ALX1: variants seen among roughly 807,000 people sequenced by gnomAD.
ALX1 encodes ALX homeobox 1, also known as ALX homeobox protein 1.
Under a neutral mutation model 31.7 loss-of-function variants are expected in ALX1, and 19 were observed. That is an observed-to-expected ratio of 0.60 (90% confidence interval 0.42 to 0.88). The LOEUF is 0.88. Ranked by LOEUF, ALX1 falls within the 40% of genes least tolerant of loss-of-function variation. The pLI is 0.00. For missense variants in ALX1, 415 were observed against 407.8 expected (o/e 1.02, Z -0.15); for synonymous variants, 153 against 148.8 (o/e 1.03, Z -0.20).
intron 3 of ALX1, among the ~76,000 whole-genome samples, chr12:85,287,787 A>G (rs975436218): frequency 6.6e-6 from 1 of 151,432 alleles, no homozygotes; most frequent in Non-Finnish European, 1.5e-5. Context: ...TACATGATGA[A>G]AAAAAACCTA....
chr12:85,283,451 C>A, intron 1 of ALX1, 121 bp from the exon 2 acceptor site: 1 of 975,910 alleles, frequency 1.0e-6, no homozygotes, highest in Non-Finnish European at 1.6e-6. Flanking sequence ...TGAATTAATA[C>A]TAGCACAATA....
intron 2 of ALX1, among the ~76,000 whole-genome samples, chr12:85,286,059 T>A (rs923045523): frequency 1.3e-5 from 2 of 151,976 alleles, no homozygotes; most frequent in Admixed American, 1.3e-4. Context: ...GACACTTGGT[T>A]CTATCTGCCC....
intron 3 of ALX1, among the ~76,000 whole-genome samples, chr12:85,300,420 C>T (rs1896947986): frequency 6.6e-6 from 1 of 151,958 alleles, no homozygotes; most frequent in Admixed American, 6.6e-5. Context: ...TAAATAGTTG[C>T]ACATCTTTCT....
intron 3 of ALX1, among the ~76,000 whole-genome samples, chr12:85,288,478 T>A (rs1896777538): frequency 6.6e-6 from 1 of 151,470 alleles, no homozygotes; most frequent in Non-Finnish European, 1.5e-5. Context: ...CTTAGTTGAG[T>A]CAGTGTGAGT....
At chr12:85,298,128 A>G (rs1896913216) in intron 3 of ALX1, among the ~76,000 whole-genome samples, 1 of 151,666 alleles carries the variant, frequency 6.6e-6, no homozygotes. Flanking sequence ...AGGGATAATG[A>G]GTAAATAAAT....
At chr12:85,294,239 G>T (rs1300979533) in intron 3 of ALX1, among the ~76,000 whole-genome samples, 3 of 150,746 alleles carry the variant, frequency 2.0e-5, no homozygotes, top group Non-Finnish European at 4.5e-5. Context: ...TTCTTATATT[G>T]TGAATTTTGT....
intron 3 of ALX1, among the ~76,000 whole-genome samples, chr12:85,293,267 A>G (rs186051843): frequency 1.0e-3 from 154 of 149,116 alleles, no homozygotes; most frequent in Non-Finnish European, 1.5e-3. Context: ...GTATGTGTGT[A>G]TATATATATA....
intron 3 of ALX1, among the ~76,000 whole-genome samples, chr12:85,292,263 A>G (rs1047936657): frequency 7.3e-5 from 11 of 151,106 alleles, no homozygotes; most frequent in Non-Finnish European, 1.5e-5. Context: ...TCCTTTTTAA[A>G]TTGAAAACCA....
At chr12:85,296,764 T>C (rs1033478179) in intron 3 of ALX1, among the ~76,000 whole-genome samples, 1 of 151,396 alleles carries the variant, frequency 6.6e-6, no homozygotes. Context: ...ACAAGAAGGG[T>C]ATGGGAATTA....
chr12:85,293,283 T>G (rs1331445042), intron 3 of ALX1, among the ~76,000 whole-genome samples: 1 of 150,178 alleles, frequency 6.7e-6, no homozygotes, highest in Non-Finnish European at 1.5e-5. Flanking sequence ...ATATATAAGT[T>G]ATGTGTAGCA....
At chr12:85,299,163 T>C (rs1896927623) in intron 3 of ALX1, among the ~76,000 whole-genome samples, 1 of 151,516 alleles carries the variant, frequency 6.6e-6, no homozygotes, top group South Asian at 2.1e-4. Flanking sequence ...GCAAGCAAAG[T>C]TCACTTTCAT....
intron 1 of ALX1, among the ~76,000 whole-genome samples, chr12:85,283,092 G>A (rs1896699679): frequency 6.6e-6 from 1 of 152,162 alleles, no homozygotes; most frequent in South Asian, 2.1e-4. Context: ...TACGTTTTAC[G>A]TGGAGGAGGA....
Position 85,283,751 on chromosome 12 carries a change from C to T in ALX1, c.406C>T (p.Arg136Ter), listed in dbSNP as rs1228243856. The change falls in exon 2 of 4, where the codon CGA becomes TGA. Residue 136 changes from arginine to a stop codon, truncating the protein, a stop_gained. Coordinates refer to ENST00000316824, the MANE Select transcript of ALX1 (RefSeq NM_006982.3). LOFTEE classifies it high-confidence loss of function. ...NVSSSKKRRH[R>*]TTFTSLQLEE... ...ATCCAGCAGTAAGAAACGGAGGCAC[C>T]GAACCACCTTCACCAGTTTGCAGCT... 1.9e-6 allele frequency: 3 copies of T among 1,613,914 alleles called. No individual in the cohort carries two copies. The highest frequency in any genetic ancestry group is 3.3e-5 in the Admixed American group (2 of 59,982).
Position 85,301,472 on chromosome 12 carries a change from G to T in ALX1, c.978G>T (p.Met326Ile). 6.2e-7 allele frequency: 1 copy of T among 1,613,486 alleles called. No homozygotes were observed. Among genetic ancestry groups the T allele is most frequent in the South Asian group, 1.1e-5 (1 of 91,078 alleles). Residue 326 changes from methionine (M) to isoleucine (I), a missense_variant, in exon 4 of 4, where the codon ATG becomes ATT. Met to Ile is a conservative substitution (Grantham distance 10). Coordinates refer to ENST00000316824, the MANE Select transcript of ALX1 (RefSeq NM_006982.3). ...KEHTANISWAM is the reference protein window; with the variant it reads ...KEHTANISWAI ...ACACCGCCAATATTTCATGGGCCATGTAACATACAGTACTCTTTTATTTTT... is the reference window on the plus strand; with the variant it reads ...ACACCGCCAATATTTCATGGGCCATTTAACATACAGTACTCTTTTATTTTT...
chr12:85,292,279 G>T (rs1055223362), intron 3 of ALX1, among the ~76,000 whole-genome samples: 2 of 150,766 alleles, frequency 1.3e-5, no homozygotes, highest in Non-Finnish European at 3.0e-5. Flanking sequence ...AACCAAATAC[G>T]GTAACTTTAG....
At chr12:85,295,690 C>T (rs952862483) in intron 3 of ALX1, among the ~76,000 whole-genome samples, 17 of 151,114 alleles carry the variant, frequency 1.1e-4, no homozygotes, top group Non-Finnish European at 1.9e-4. Flanking sequence ...GCATGTGATG[C>T]GAGAATTGTG....
At chr12:85,291,328 G>T (rs779075133) in intron 3 of ALX1, among the ~76,000 whole-genome samples, 4 of 150,848 alleles carry the variant, frequency 2.7e-5, no homozygotes, top group Non-Finnish European at 5.9e-5. Context: ...CTAAAAACTG[G>T]GTAATATTTG....
In ALX1 at chr12:85,280,361, A is replaced by T. The variant is rs368906149; in HGVS notation, c.100A>T (p.Thr34Ser). ...AGGTCCTCTGGAGCACGTTATGGAG[A>T]CGCTGGACAATGAGTCCTTTTACAG... ...AGGPLEHVME[T>S]LDNESFYSKA... Residue 34 changes from threonine (T) to serine (S), a missense_variant, in exon 1 of 4, where the codon ACG (threonine) becomes TCG (serine). By Grantham distance (58) the Thr-to-Ser change is moderately conservative. Coordinates refer to ENST00000316824, the MANE Select transcript of ALX1 (RefSeq NM_006982.3). 2 of 1,613,768 alleles carry T rather than the reference A, an allele frequency of 1.2e-6. No individual in the cohort carries two copies. Among genetic ancestry groups the T allele is most frequent in the African/African-American group, 2.7e-5 (2 of 74,892 alleles).
At chr12:85,293,774 C>A (rs188481282) in intron 3 of ALX1, among the ~76,000 whole-genome samples, 1 of 151,124 alleles carries the variant, frequency 6.6e-6, no homozygotes, top group Admixed American at 6.6e-5. Flanking sequence ...AAATAACAGG[C>A]AGAAAATTAA....
Sources: gnomAD v4.1 joint callset for allele counts (sites outside exome capture counted in the v4.1 genomes callset) on GRCh38, gnomAD v4.1.1 for gene constraint, MANE v1.5 for transcripts, NCBI Gene and HGNC (gene_info 2026-07-23, HGNC 2026-07-21) for gene names.